CCNG1: variants seen among roughly 807,000 people sequenced by gnomAD.
The protein encoded by CCNG1 is cyclin-G1.
Under a neutral mutation model 30.0 loss-of-function variants are expected in CCNG1, and 13 were observed. That is an observed-to-expected ratio of 0.43 (90% CI 0.28 to 0.69). CCNG1 has a LOEUF of 0.69. Among genes scored for constraint, CCNG1 ranks in the 30% least tolerant of loss-of-function variants. CCNG1 has a pLI of 0.16. For missense variants in CCNG1, 285 were observed against 331.4 expected, an observed-to-expected ratio of 0.86 and a Z score of 1.09; for synonymous variants, 110 against 121.5, an observed-to-expected ratio of 0.91 and a Z score of 0.62.
chr5:163,455,513 C>T, the CCNG1 span, among the ~76,000 whole-genome samples: 2 of 152,116 alleles, frequency 1.3e-5, no homozygotes, highest in African/African-American at 2.4e-5. Flanking sequence ...CCTGTAATCC[C>T]GGCACTTTGG....
Position 163,442,140 on chromosome 5 carries a change from CA to C in CCNG1, c.695del (p.Lys232ArgfsTer2). 1 of 1,588,312 alleles carries C rather than the reference CA, an allele frequency of 6.3e-7. No homozygotes were observed. Among genetic ancestry groups the C allele is most frequent in the Non-Finnish European group, 8.6e-7 (1 of 1,157,882 alleles). ...EGIECLQKHS[K>X]INGRDLTFWQ... Reference sequence around the variant, plus strand: ...GAATAGAATGTCTTCAGAAACATTCCAAGGTATGTGAAGGACATAGCCTAAA... The same window carrying C: ...GAATAGAATGTCTTCAGAAACATTCCAGGTATGTGAAGGACATAGCCTAAA... On this transcript the variant is annotated frameshift_variant and splice_region_variant, in exon 5 of 7. Transcript: ENST00000340828. LOFTEE classifies it high-confidence loss of function.
At chr5:163,446,267 G>A (rs572753451), downstream of CCNG1, 5 of 152,110 alleles carry the variant, frequency 3.3e-5, no homozygotes, top group Middle Eastern at 3.4e-3. Flanking sequence ...TTATATTTTC[G>A]ATTTAACATT....
chr5:163,441,793 T>C (rs1377307289), intron 3 of CCNG1, 93 bp from the exon 4 acceptor site: 1 of 734,598 alleles, frequency 1.4e-6, no homozygotes, highest in East Asian at 2.6e-5. Flanking sequence ...GCATAAGCTT[T>C]ACTTTAAAAA....
rs1169570764 is a variant in CCNG1 at position 163,444,029 on chromosome 5, A to G, written c.*359A>G. The stretch of plus-strand genomic sequence containing the variant: ...CTATTGGAGGAGTCACACTAATACT[A>G]TCAACTATCAGTCTTCCCACAGCTT... On this transcript the variant is annotated 3_prime_UTR_variant, in exon 7 of 7. Coordinates refer to ENST00000340828, the MANE Select transcript of CCNG1 (RefSeq NM_004060.4). 4.1e-6 allele frequency: 1 copy of G among 245,816 alleles called. No homozygotes were observed. The allele number at this position is 245,816 out of a possible 1,614,324, so 15.2% of individuals were successfully genotyped here.
intron 2 of CCNG1, 175 bp downstream of exon 2, chr5:163,439,695 G>A: frequency 3.7e-6 from 2 of 541,104 alleles, no homozygotes; most frequent in Non-Finnish European, 6.4e-6. Flanking sequence ...TAGTACATCA[G>A]GTATTAGACT....
At chr5:163,448,793 GA>G (rs1214937951), downstream of CCNG1, 2 of 152,158 alleles carry the variant, frequency 1.3e-5, no homozygotes, top group Non-Finnish European at 2.9e-5. Flanking sequence ...GGGTTGGGAG[GA>G]AATATAAGCT....
rs752718352 is a variant in CCNG1 at position 163,441,106 on chromosome 5, G to A, written c.293G>A (p.Gly98Glu). ...KVQPKHLGCVGLSCFYLAVKS... is the reference protein window; with the variant it reads ...KVQPKHLGCVELSCFYLAVKS... ...CAGCCCAAGCACCTTGGGTGTGTTG[G>A]ACTGAGCTGCTTTTATTTGGCTGTA... Residue 98 changes from glycine (G) to glutamate (E), a missense_variant, in exon 3 of 7, where the codon GGA becomes GAA. Coordinates refer to ENST00000340828, the MANE Select transcript of CCNG1 (RefSeq NM_004060.4). 6.2e-7 allele frequency: 1 copy of A among 1,613,910 alleles called. No individual in the cohort carries two copies. Among genetic ancestry groups the A allele is most frequent in the Non-Finnish European group, 8.5e-7 (1 of 1,179,866 alleles).
the CCNG1 span, chr5:163,456,841 T>C: frequency 1.0e-6 from 1 of 977,488 alleles, no homozygotes. Context: ...TAACTTTTCA[T>C]AATGACATTT....
intron 3 of CCNG1, 179 bp from the exon 4 acceptor site, chr5:163,441,707 A>C (rs1757823891): frequency 1.8e-6 from 1 of 568,490 alleles, no homozygotes; most frequent in Admixed American, 3.4e-5. Context: ...TAAAACTCCC[A>C]TATGGTGCCT....
the CCNG1 span, among the ~76,000 whole-genome samples, chr5:163,455,422 C>CT: frequency 9.2e-5 from 14 of 152,316 alleles, no homozygotes; most frequent in South Asian, 2.1e-3. Flanking sequence ...CGAGAAATGA[C>CT]TTGCAGAGTT....
downstream of CCNG1, chr5:163,449,513 C>A (rs1758122742): frequency 6.6e-6 from 1 of 152,116 alleles, no homozygotes; most frequent in Non-Finnish European, 1.5e-5. Flanking sequence ...TTGGAAGACA[C>A]AAAATTGCAT....
At chr5:163,442,955 C>G (rs1045219252) in intron 6 of CCNG1, among the ~76,000 whole-genome samples, 1 of 151,998 alleles carries the variant, frequency 6.6e-6, no homozygotes. Context: ...CAAGTATGAA[C>G]TAATTTGAGA....
chr5:163,453,883 C>T, the CCNG1 span: 3 of 642,034 alleles, frequency 4.7e-6, no homozygotes. Flanking sequence ...TAGGCATCCG[C>T]ATTTTTCTTC....
Position 163,437,706 on chromosome 5 carries a change from T to TC in CCNG1, c.-95dup, listed in dbSNP as rs924734199. 2.6e-5 allele frequency: 4 copies of TC among 151,630 alleles called. No individual in the cohort carries two copies. The highest frequency in any genetic ancestry group is 9.7e-5 in the African/African-American group (4 of 41,144). The allele number at this position is 151,630 out of a possible 1,614,324, so 9.4% of individuals were successfully genotyped here. On this transcript the variant is annotated 5_prime_UTR_variant, in exon 1 of 7. Transcript: ENST00000340828. ...GGGCCTCTCTCCTCTTGCCTACGAG[T>TC]CCCCTCTCCTCGTAGGCCTCTCGGA...
chr5:163,453,009 T>G, the CCNG1 span: 1 of 152,148 alleles, frequency 6.6e-6, no homozygotes, highest in Non-Finnish European at 1.5e-5. Context: ...AGGGTAGTAA[T>G]GTGTCAACGT....
chr5:163,457,131 A>C, the CCNG1 span: 1 of 1,496,536 alleles, frequency 6.7e-7, no homozygotes, highest in South Asian at 1.3e-5. Flanking sequence ...AGAGTTCTTC[A>C]TCAAGTTGTT....
downstream of CCNG1, chr5:163,446,995 G>A (rs1030824902): frequency 6.6e-6 from 1 of 152,176 alleles, no homozygotes; most frequent in Non-Finnish European, 1.5e-5. Flanking sequence ...AACAGAGTGA[G>A]GCTCTTGTCT....
downstream of CCNG1, chr5:163,448,505 T>C (rs1758100136): frequency 6.6e-6 from 1 of 152,160 alleles, no homozygotes; most frequent in Non-Finnish European, 1.5e-5. Flanking sequence ...AAATTCTCTA[T>C]TTTTAAAAAT....
downstream of CCNG1, chr5:163,448,668 A>C (rs779578470): frequency 1.1e-4 from 16 of 152,214 alleles, no homozygotes; most frequent in Non-Finnish European, 1.9e-4. Flanking sequence ...AGATAACACA[A>C]GGAAAAAACA....
Sources: allele counts gnomAD v4.1 joint callset (sites outside exome capture counted in the v4.1 genomes callset), GRCh38; gene constraint gnomAD v4.1.1; transcripts MANE v1.5; gene names NCBI Gene and HGNC (gene_info 2026-07-23, HGNC 2026-07-21).